The following GABRB3 variants were observed in gnomAD, a reference collection of about 807,000 sequenced individuals.
The protein encoded by GABRB3 is gamma-aminobutyric acid receptor subunit beta-3.
A neutral mutation model predicts 52.1 loss-of-function variants in GABRB3; 14 were observed. The observed-to-expected ratio is 0.27, with a 90% confidence interval of 0.18 to 0.42. GABRB3 has a LOEUF of 0.42. Among genes scored for constraint, GABRB3 ranks in the 10% least tolerant of loss-of-function variants. The probability of loss-of-function intolerance (pLI) is 1.00; values close to 1 mark genes in which losing one functional copy is unlikely to be tolerated. For synonymous variants in GABRB3, 260 were observed against 232.3 expected, an observed-to-expected ratio of 1.12 and a Z score of -1.08; for missense variants, 307 against 609.1, an observed-to-expected ratio of 0.50 and a Z score of 5.22.
chr15:26,663,546 T>TTTAAAA, intron 3 of GABRB3, among the ~76,000 whole-genome samples: 1 of 152,238 alleles, frequency 6.6e-6, no homozygotes, highest in Non-Finnish European at 1.5e-5. Flanking sequence ...AGTTAGTGCC[T>TTTAAAA]GCATAATACA....
chr15:26,641,141 A>G (rs1470878498), intron 3 of GABRB3, among the ~76,000 whole-genome samples: 1 of 152,222 alleles, frequency 6.6e-6, no homozygotes, highest in African/African-American at 2.4e-5. Context: ...GCGAACATCT[A>G]TGAAGATCCG....
At position 26,772,337 on chromosome 15, in the gene GABRB3, G is replaced by T. The variant is rs531579727; in HGVS notation, c.240+65C>A. The stretch of plus-strand genomic sequence containing the variant: ...AAGAGGCCTCCGGCCCAGCACTGTG[G>T]ACGCCTGTGATCCCAGACAGCGGGC... On this transcript the variant is annotated intron_variant, in intron 3 of 8. Coordinates refer to ENST00000311550, the MANE Select transcript of GABRB3 (RefSeq NM_000814.6). The T allele has an allele frequency of 2.0e-4, 279 of 1,420,254 alleles. 2 individuals are homozygous for T. The East Asian group carries it at 6.5e-3, about 33-fold the overall frequency. The allele number at this position is 1,420,254 out of a possible 1,614,324, so 88.0% of individuals were successfully genotyped here.
intron 4 of GABRB3, among the ~76,000 whole-genome samples, chr15:26,606,813 GATA>G (rs1891846057): frequency 1.4e-5 from 1 of 72,656 alleles, no homozygotes; most frequent in African/African-American, 4.0e-5. Context: ...TCTATAGATA[GATA>G]GATAGATAGA....
chr15:26,698,853 C>T (rs1380950750), intron 3 of GABRB3, among the ~76,000 whole-genome samples: 1 of 151,904 alleles, frequency 6.6e-6, no homozygotes, highest in Non-Finnish European at 1.5e-5. Flanking sequence ...AAAAGAAAGC[C>T]GATATAGTAA....
At chr15:26,764,195 T>A (rs1480687561) in intron 3 of GABRB3, among the ~76,000 whole-genome samples, 5 of 4,194 alleles carry the variant, frequency 1.2e-3, no homozygotes, top group African/African-American at 5.0e-3. Flanking sequence ...TATATATATA[T>A]ATATATATAT....
At chr15:26,654,439 C>A (rs1887301219) in intron 3 of GABRB3, among the ~76,000 whole-genome samples, 1 of 152,084 alleles carries the variant, frequency 6.6e-6, no homozygotes, top group African/African-American at 2.4e-5. Flanking sequence ...AGCCACCGCA[C>A]CCAGCCAACA....
At chr15:26,647,765 T>C (rs1887055342) in intron 3 of GABRB3, among the ~76,000 whole-genome samples, 1 of 151,796 alleles carries the variant, frequency 6.6e-6, no homozygotes, top group Non-Finnish European at 1.5e-5. Context: ...GTGGGACTGT[T>C]AGAAAAGGCA....
chr15:26,732,132 A>AGATG (rs748120956), intron 3 of GABRB3, among the ~76,000 whole-genome samples: 3 of 151,720 alleles, frequency 2.0e-5, no homozygotes, highest in Admixed American at 6.6e-5. Context: ...ACAGATGGAC[A>AGATG]GATGGATGGA....
intron 3 of GABRB3, among the ~76,000 whole-genome samples, chr15:26,713,018 C>G (rs1889351153): frequency 6.6e-6 from 1 of 152,228 alleles, no homozygotes; most frequent in Non-Finnish European, 1.5e-5. Context: ...AGCATGCCAC[C>G]ATGGGGGAGT....
intron 3 of GABRB3, among the ~76,000 whole-genome samples, chr15:26,729,272 C>T (rs2140148093): frequency 6.6e-6 from 1 of 152,094 alleles, no homozygotes; most frequent in East Asian, 1.9e-4. Context: ...GACTGGCCCT[C>T]GGGAGTGACA....
At chr15:26,561,626 A>G (rs1251456848) in intron 7 of GABRB3, among the ~76,000 whole-genome samples, 1 of 152,274 alleles carries the variant, frequency 6.6e-6, no homozygotes, top group Admixed American at 6.5e-5. Context: ...CTGTGGCTGC[A>G]GAGGCAAGGC....
At chr15:26,647,957 A>G (rs1887062058) in intron 3 of GABRB3, among the ~76,000 whole-genome samples, 1 of 152,196 alleles carries the variant, frequency 6.6e-6, no homozygotes, top group Non-Finnish European at 1.5e-5. Flanking sequence ...AGAAAAGGGG[A>G]AAAACTTACT....
chr15:26,744,677 C>T (rs1406602658), intron 3 of GABRB3, among the ~76,000 whole-genome samples: 3 of 152,126 alleles, frequency 2.0e-5, no homozygotes, highest in South Asian at 2.1e-4. Flanking sequence ...CTGCCCACCT[C>T]GGCCTCCCAA....
At chr15:26,692,233 C>T (rs955568060) in intron 3 of GABRB3, among the ~76,000 whole-genome samples, 1 of 152,146 alleles carries the variant, frequency 6.6e-6, no homozygotes, top group African/African-American at 2.4e-5. Context: ...CAGAAACAAT[C>T]CCTTTTCTGG....
intron 3 of GABRB3, among the ~76,000 whole-genome samples, chr15:26,674,094 G>A (rs1446324724): frequency 1.3e-5 from 2 of 149,952 alleles, no homozygotes; most frequent in Non-Finnish European, 3.0e-5. Flanking sequence ...TCCTGAGATG[G>A]TGTTTTAGAA....
At chr15:26,741,781 T>C (rs1048643989) in intron 3 of GABRB3, among the ~76,000 whole-genome samples, 3 of 152,108 alleles carry the variant, frequency 2.0e-5, no homozygotes, top group South Asian at 2.1e-4. Flanking sequence ...CTAATCTTTT[T>C]AATTTTTTGT....
At chr15:26,742,133 G>A (rs1890223972) in intron 3 of GABRB3, among the ~76,000 whole-genome samples, 1 of 152,058 alleles carries the variant, frequency 6.6e-6, no homozygotes, top group Non-Finnish European at 1.5e-5. Context: ...TGGGTGAAAA[G>A]TGACTTATCC....
At chr15:26,636,762 G>T (rs540506375) in intron 3 of GABRB3, among the ~76,000 whole-genome samples, 2 of 152,282 alleles carry the variant, frequency 1.3e-5, no homozygotes, top group East Asian at 3.9e-4. Context: ...TCTCCTTGCA[G>T]TTACTCAAGC....
chr15:26,640,164 A>G (rs1893161645), intron 3 of GABRB3, among the ~76,000 whole-genome samples: 1 of 152,218 alleles, frequency 6.6e-6, no homozygotes, highest in Non-Finnish European at 1.5e-5. Flanking sequence ...TGGACCAGCC[A>G]AGCCAACTTG....
Sources: gnomAD v4.1 joint callset for allele counts (sites outside exome capture counted in the v4.1 genomes callset) on GRCh38, gnomAD v4.1.1 for gene constraint, MANE v1.5 for transcripts, NCBI Gene and HGNC (gene_info 2026-07-23, HGNC 2026-07-21) for gene names.